Variants in AKAP6 observed in about 807,000 individuals in gnomAD.
AKAP6 encodes A-kinase anchor protein 6.
A neutral mutation model predicts 188.5 loss-of-function variants in AKAP6; 58 were observed. That is an observed-to-expected ratio of 0.31 (90% confidence interval 0.25 to 0.38). AKAP6 has a LOEUF of 0.38. Among genes scored for constraint, AKAP6 ranks in the 10% least tolerant of loss-of-function variants. AKAP6 has a pLI of 1.00. For missense variants in AKAP6, 2,710 were observed against 2,740.0 expected (o/e 0.99, Z 0.24); for synonymous variants, 989 against 998.6 (o/e 0.99, Z 0.18).
At chr14:32,776,665 T>C (rs1216444372) in intron 12 of AKAP6, among the ~76,000 whole-genome samples, 1 of 152,160 alleles carries the variant, frequency 6.6e-6, no homozygotes, top group Non-Finnish European at 1.5e-5. Context: ...TGGCATTTGA[T>C]TTGGAGTTAC....
rs556373142 is a variant in AKAP6, at chr14:32,569,363, T to C, written c.2347-7757T>C. 3.7e-3 allele frequency among the ~76,000 whole-genome samples: 563 copies of C among 152,324 alleles called. 7 individuals are homozygous for C. The highest frequency in any genetic ancestry group is 0.012 in the African/African-American group (510 of 41,576). On this transcript the variant is annotated intron_variant, in intron 4 of 13. Transcript: ENST00000280979. Reference sequence around the variant, plus strand: ...TCACAGTCAACACTGACTGAAACCATTTTATTTTCTCTTCAATCTTTGTTC... The same window carrying C: ...TCACAGTCAACACTGACTGAAACCACTTTATTTTCTCTTCAATCTTTGTTC...
intron 2 of AKAP6, among the ~76,000 whole-genome samples, chr14:32,510,427 T>TATATATGTATATATATATATACAC (rs1566546628): frequency 1.2e-5 from 1 of 80,778 alleles, no homozygotes; most frequent in Non-Finnish European, 2.3e-5. Flanking sequence ...TATATATACA[T>TATATATGTATATATATATATACAC]ATATATATGT....
intron 7 of AKAP6, among the ~76,000 whole-genome samples, chr14:32,647,724 T>A (rs1888041701): frequency 1.3e-5 from 2 of 152,088 alleles, no homozygotes; most frequent in Admixed American, 1.3e-4. Context: ...GAGTGCTAAG[T>A]TACTATTCTT....
intron 2 of AKAP6, among the ~76,000 whole-genome samples, chr14:32,489,831 G>T (rs1879905814): frequency 1.3e-5 from 2 of 152,184 alleles, no homozygotes; most frequent in Admixed American, 6.5e-5. Flanking sequence ...ATATTCTTTT[G>T]TGTCTCACGT....
chr14:32,548,407 A>ATT (rs151264438), intron 4 of AKAP6, among the ~76,000 whole-genome samples: 14,144 of 145,374 alleles, frequency 0.097, 773 homozygotes, highest in East Asian at 0.17. Flanking sequence ...TGGCCCATAC[A>ATT]TTTTTTTTTT....
chr14:32,699,255 T>C (rs1890531307), intron 9 of AKAP6, among the ~76,000 whole-genome samples: 1 of 152,130 alleles, frequency 6.6e-6, no homozygotes, highest in African/African-American at 2.4e-5. Flanking sequence ...TTGTATGAAA[T>C]ACAGAAACCC....
chr14:32,764,017 T>C (rs1256337371), intron 11 of AKAP6, among the ~76,000 whole-genome samples: 4 of 152,190 alleles, frequency 2.6e-5, no homozygotes, highest in Non-Finnish European at 4.4e-5. Context: ...GGCTAGAGAA[T>C]AGAGCTATCA....
At chr14:32,631,145 C>T (rs139295465) in intron 7 of AKAP6, among the ~76,000 whole-genome samples, 42 of 152,016 alleles carry the variant, frequency 2.8e-4, no homozygotes, top group African/African-American at 1.0e-3. Flanking sequence ...GAGATTTGTT[C>T]TCATATTTAT....
At chr14:32,363,187 T>G (rs1218843159) in intron 1 of AKAP6, among the ~76,000 whole-genome samples, 10 of 152,154 alleles carry the variant, frequency 6.6e-5, no homozygotes, top group Non-Finnish European at 1.2e-4. Context: ...GGTGGTCAGT[T>G]AACCCTCTAG....
Position 32,587,674 on chromosome 14 carries a change from C to T in AKAP6, c.2469+10432C>T, listed in dbSNP as rs1054964026. 6.6e-5 allele frequency among the ~76,000 whole-genome samples: 10 copies of T among 152,182 alleles called. 1 individual carries two copies. Among genetic ancestry groups the T allele is most frequent in the Non-Finnish European group, 1.0e-4 (7 of 68,036 alleles). On this transcript the variant is annotated intron_variant, in intron 5 of 13. Coordinates refer to ENST00000280979, the MANE Select transcript of AKAP6 (RefSeq NM_004274.5). ...TGCCAGCCGTTCTCTTTTTGAGGCT[C>T]ACTCTTTTCTAGTCAGAAATCTCAT...
At chr14:32,826,758 G>A (rs1392096182) in intron 13 of AKAP6, among the ~76,000 whole-genome samples, 1 of 152,192 alleles carries the variant, frequency 6.6e-6, no homozygotes, top group Non-Finnish European at 1.5e-5. Context: ...GGAAGTGAAT[G>A]TGCTGGTGGA....
chr14:32,787,632 T>C (rs2033462753), intron 12 of AKAP6, among the ~76,000 whole-genome samples: 1 of 152,190 alleles, frequency 6.6e-6, no homozygotes. Context: ...TGTAAAATTT[T>C]AGTGCTGCTA....
intron 4 of AKAP6, among the ~76,000 whole-genome samples, chr14:32,553,308 T>C (rs1437872695): frequency 6.6e-6 from 1 of 151,876 alleles, no homozygotes; most frequent in Non-Finnish European, 1.5e-5. Flanking sequence ...GTAGCTGGGA[T>C]TACAGGCACC....
intron 4 of AKAP6, among the ~76,000 whole-genome samples, chr14:32,561,702 TG>T (rs1257623488): frequency 2.6e-5 from 4 of 152,210 alleles, no homozygotes; most frequent in African/African-American, 9.6e-5. Context: ...TTGAGGAATT[TG>T]GGGCCTGGCT....
intron 5 of AKAP6, among the ~76,000 whole-genome samples, chr14:32,590,442 GAAACAAAACA>G (rs796432814): frequency 3.3e-5 from 5 of 151,940 alleles, no homozygotes; most frequent in Admixed American, 1.3e-4. Flanking sequence ...CTCTGTCTCA[GAAACAAAACA>G]AAACAAAACA....
intron 1 of AKAP6, among the ~76,000 whole-genome samples, chr14:32,386,763 A>G (rs542526539): frequency 3.3e-5 from 5 of 152,240 alleles, no homozygotes; most frequent in African/African-American, 1.2e-4. Context: ...TCCTTAATCC[A>G]TCTTTAGTTG....
intron 4 of AKAP6, among the ~76,000 whole-genome samples, chr14:32,558,987 T>C (rs1883811481): frequency 6.6e-6 from 1 of 152,206 alleles, no homozygotes; most frequent in Non-Finnish European, 1.5e-5. Flanking sequence ...GTAAACTAAC[T>C]ACTAGTTAGA....
rs569223613 is a variant in AKAP6, at chr14:32,432,264, A to T, written c.-34-1196A>T. Among the ~76,000 whole-genome samples the T allele has an allele frequency of 3.3e-4, 51 of 152,304 alleles. No homozygotes were observed. The South Asian group carries it at 0.011, about 32-fold the overall frequency. On this transcript the variant is annotated intron_variant, in intron 1 of 13. Coordinates refer to ENST00000280979, the MANE Select transcript of AKAP6 (RefSeq NM_004274.5). ...TTGAGTAGAAGAAGCTGCTCTTGAG[A>T]CTAAAAATAGTGCTTATTTATTTTA...
chr14:32,356,554 C>T (rs1458919155), intron 1 of AKAP6, among the ~76,000 whole-genome samples: 3 of 152,098 alleles, frequency 2.0e-5, no homozygotes, highest in African/African-American at 7.2e-5. Context: ...CTGGTAGGTT[C>T]TAAAATCTGA....
Sources: gnomAD v4.1 joint callset for allele counts (sites outside exome capture counted in the v4.1 genomes callset) on GRCh38, gnomAD v4.1.1 for gene constraint, MANE v1.5 for transcripts, NCBI Gene and HGNC (gene_info 2026-07-23, HGNC 2026-07-21) for gene names.